PATJ: variants seen among roughly 807,000 people sequenced by gnomAD.
PATJ encodes inaD-like protein.
In PATJ, 190 loss-of-function variants were observed where a neutral mutation model predicts 224.9. That is an observed-to-expected ratio of 0.84 (90% CI 0.75 to 0.95). The LOEUF is 0.95. Among genes scored for constraint, PATJ ranks in the 40% least tolerant of loss-of-function variants. The pLI, the probability that PATJ is intolerant of heterozygous loss-of-function variation, is 0.00. For missense variants in PATJ, 2,121 were observed against 2,270.3 expected (o/e 0.93, Z 1.34); for synonymous variants, 769 against 820.3 (o/e 0.94, Z 1.07).
intron 31 of PATJ, chr1:62,072,768 GAAA>G (rs1657667346): frequency 3.8e-4 from 55 of 143,822 alleles, no homozygotes; most frequent in African/African-American, 1.2e-3. Context: ...AAAAAAAGAA[GAAA>G]AAGAAAAAGA....
chr1:61,952,280 A>AGAGAGAG (rs34366135), intron 27 of PATJ: 56,510 of 452,584 alleles, frequency 0.12, 1,470 homozygotes, highest in Non-Finnish European at 0.15. Context: ...GAGAGAGAGA[A>AGAGAGAG]AAATAGGCCC....
intron 41 of PATJ, among the ~76,000 whole-genome samples, chr1:62,139,271 G>T (rs1389123570): frequency 2.6e-5 from 4 of 151,704 alleles, no homozygotes; most frequent in Non-Finnish European, 4.4e-5. Context: ...CGTGGTGGCG[G>T]GCGCCTGTAG....
chr1:62,066,055 G>A (rs1656358004), intron 31 of PATJ, among the ~76,000 whole-genome samples: 2 of 152,180 alleles, frequency 1.3e-5, no homozygotes, highest in South Asian at 4.1e-4. Context: ...AACTAAGCAA[G>A]TTTGTATTGA....
intron 12 of PATJ, among the ~76,000 whole-genome samples, 184 bp downstream of exon 12, chr1:61,801,953 G>A (rs11207841): frequency 0.8 from 118,200 of 147,452 alleles, 47,008 homozygotes; most frequent in East Asian, 0.94. Flanking sequence ...TTTTTTAATT[G>A]TACTTTAAGT....
intron 28 of PATJ, among the ~76,000 whole-genome samples, chr1:62,012,127 T>C (rs544139739): frequency 6.6e-6 from 1 of 152,240 alleles, no homozygotes; most frequent in African/African-American, 2.4e-5. Flanking sequence ...TGATACTGAC[T>C]TTTTTATCTC....
chr1:61,895,273 CA>C (rs1220485824), intron 22 of PATJ, among the ~76,000 whole-genome samples: 1 of 152,208 alleles, frequency 6.6e-6, no homozygotes, highest in Admixed American at 6.5e-5. Context: ...CAGAAATTTG[CA>C]TAAGTAACAA....
At chr1:61,798,243 G>A (rs1424817488) in intron 11 of PATJ, among the ~76,000 whole-genome samples, 1 of 152,174 alleles carries the variant, frequency 6.6e-6, no homozygotes, top group Non-Finnish European at 1.5e-5. Context: ...TGCCCAGGCT[G>A]GAGTGTAGTG....
At chr1:61,815,846 C>T (rs1655994910) in intron 14 of PATJ, among the ~76,000 whole-genome samples, 2 of 152,168 alleles carry the variant, frequency 1.3e-5, no homozygotes, top group South Asian at 4.1e-4. Flanking sequence ...TTAATCATGA[C>T]ACAAGAACAG....
In PATJ at chr1:62,079,534, T is replaced by TA; in HGVS notation, c.4211dup (p.Tyr1404Ter). ...GATACCATTAGCACCAGCTTCATCA[T>TA]ACCATTCAACAGATGCAGACTTCAC... ...QEIPLAPASSYHSTDADFTGY... is the reference protein window; with the variant it reads ...QEIPLAPASS The change falls in exon 32 of 44, where the codon TAC (tyrosine) becomes TAAC (stop). Residue 1404 changes from tyrosine (Y) to a stop codon, truncating the protein, a stop_gained and frameshift_variant. Coordinates refer to ENST00000642238, the MANE Select transcript of PATJ (RefSeq NM_001350145.3). LOFTEE classifies it high-confidence loss of function. 2.5e-6 allele frequency: 4 copies of TA among 1,611,920 alleles called. No homozygotes were observed. Among genetic ancestry groups the TA allele is most frequent in the Non-Finnish European group, 3.4e-6 (4 of 1,178,020 alleles).
chr1:62,123,050 A>T lies in PATJ; in HGVS notation c.5035A>T (p.Ile1679Leu). ...AGATATGGAACCAAGGACTGTTGAG[A>T]TAAACAGGGTAAGTCAGTCATTTTG... Reference protein sequence around the residue: ...GTDMEPRTVEINRELSDALGI... With the variant: ...GTDMEPRTVELNRELSDALGI... Residue 1679 changes from isoleucine to leucine, a missense_variant, in exon 39 of 44, where the codon ATA (isoleucine) becomes TTA (leucine). Ile to Leu is a conservative substitution (Grantham distance 5, BLOSUM62 2). Transcript: ENST00000642238. 1 of 1,596,668 alleles carries T rather than the reference A, an allele frequency of 6.3e-7. No individual in the cohort carries two copies. Among genetic ancestry groups the T allele is most frequent in the Non-Finnish European group, 8.6e-7 (1 of 1,169,146 alleles).
intron 33 of PATJ, among the ~76,000 whole-genome samples, chr1:62,106,158 G>GTGTGTGTATATATATATATATATA (rs1356937495): frequency 6.2e-5 from 3 of 48,064 alleles, no homozygotes; most frequent in Non-Finnish European, 1.3e-4. Context: ...GTGTGTGTGT[G>GTGTGTGTATATATATATATATATA]TATATATATA....
intron 31 of PATJ, among the ~76,000 whole-genome samples, chr1:62,070,506 C>T (rs922386103): frequency 2.0e-5 from 3 of 152,112 alleles, no homozygotes; most frequent in African/African-American, 4.8e-5. Flanking sequence ...AAGACAAAGT[C>T]GATCATATTA....
At chr1:61,744,158 T>C (rs549878638) in intron 1 of PATJ, among the ~76,000 whole-genome samples, 4 of 151,582 alleles carry the variant, frequency 2.6e-5, no homozygotes, top group Non-Finnish European at 5.9e-5. Context: ...AAAAAGCTTT[T>C]TAAATAGTCA....
chr1:62,157,762 C>T (rs1156586040), intron 43 of PATJ, among the ~76,000 whole-genome samples: 1 of 132,334 alleles, frequency 7.6e-6, no homozygotes, highest in African/African-American at 2.8e-5. Context: ...ACCTGGAAGG[C>T]GGAGGTTGCA....
intron 31 of PATJ, among the ~76,000 whole-genome samples, chr1:62,052,015 GACTCCC>G (rs915518455): frequency 1.3e-5 from 2 of 152,164 alleles, no homozygotes; most frequent in African/African-American, 4.8e-5. Flanking sequence ...CCTACCCTCT[GACTCCC>G]ATGCCTTGGC....
chr1:62,160,969 A>G lies in PATJ; in HGVS notation c.5564A>G (p.Glu1855Gly), dbSNP rs754918338. The change falls in exon 44 of 44, where the codon GAG becomes GGG. Residue 1855 changes from glutamate (E) to glycine (G), a missense_variant. Glu to Gly is a moderately conservative substitution (Grantham distance 98). Coordinates refer to ENST00000642238, the MANE Select transcript of PATJ (RefSeq NM_001350145.3). ...GATCAGATTTTAGCTGTTAATGGCG[A>G]GACCCTGGAAGGTGTTACTCATGAG... ...RGDQILAVNG[E>G]TLEGVTHEQA... 1 of 1,613,800 alleles carries G rather than the reference A, an allele frequency of 6.2e-7. No individual in the cohort carries two copies. Among genetic ancestry groups the G allele is most frequent in the Non-Finnish European group, 8.5e-7 (1 of 1,179,912 alleles).
chr1:62,050,223 A>G (rs1298191923), intron 30 of PATJ, among the ~76,000 whole-genome samples: 1 of 152,152 alleles, frequency 6.6e-6, no homozygotes, highest in Admixed American at 6.5e-5. Flanking sequence ...CCAGTCTCTT[A>G]TCTCAAACAG....
intron 31 of PATJ, among the ~76,000 whole-genome samples, chr1:62,078,591 G>GT (rs1409029475): frequency 6.6e-6 from 1 of 151,674 alleles, no homozygotes. Context: ...TGGCCCCTTA[G>GT]TTTTTTAATA....
chr1:61,924,790 A>G (rs1386488591), intron 26 of PATJ, among the ~76,000 whole-genome samples: 2 of 152,206 alleles, frequency 1.3e-5, no homozygotes, highest in African/African-American at 4.8e-5. Context: ...CAGATACACA[A>G]TGTATTCTGC....
Sources: gnomAD v4.1 joint callset for allele counts (sites outside exome capture counted in the v4.1 genomes callset) on GRCh38, gnomAD v4.1.1 for gene constraint, MANE v1.5 for transcripts, NCBI Gene and HGNC (gene_info 2026-07-23, HGNC 2026-07-21) for gene names.